ABR: variants seen among roughly 807,000 people sequenced by gnomAD.
ABR encodes the protein active breakpoint cluster region-related protein.
Under a neutral mutation model 107.2 loss-of-function variants are expected in ABR, and 35 were observed. The observed-to-expected ratio is 0.33, with a 90% confidence interval of 0.25 to 0.43. The LOEUF is 0.43. Among genes scored for constraint, ABR ranks in the 20% least tolerant of loss-of-function variants. ABR has a pLI of 1.00. For synonymous variants in ABR, 498 were observed against 462.0 expected, an observed-to-expected ratio of 1.08 and a Z score of -1.00; for missense variants, 815 against 1,115.2, an observed-to-expected ratio of 0.73 and a Z score of 3.83.
rs1051886066 is a variant in ABR, at chr17:1,150,564, A to AG, written c.62-25198dup. 3.9e-5 allele frequency among the ~76,000 whole-genome samples: 6 copies of AG among 152,266 alleles called. No homozygotes were observed. The highest frequency in any genetic ancestry group is 3.9e-4 in the Admixed American group (6 of 15,292). On this transcript the variant is annotated intron_variant, in intron 1 of 22. Transcript: ENST00000302538. This position sits in a 1 kb window ranked among gnomAD's most constrained non-coding sequence, Gnocchi z 4.8. The stretch of plus-strand genomic sequence containing the variant: ...AGGAGGACGGGCCCCGGGCATGGCA[A>AG]GCGCACTGCCCCCTCTCACTCCTCC...
intron 2 of ABR, among the ~76,000 whole-genome samples, chr17:1,104,287 T>C (rs975097210): frequency 3.3e-5 from 5 of 152,150 alleles, no homozygotes; most frequent in Admixed American, 6.5e-5. Flanking sequence ...GTCAGGTCAC[T>C]CTGGTAGGAA....
At chr17:1,111,887 C>T (rs1027383529) in intron 2 of ABR, among the ~76,000 whole-genome samples, 5 of 152,238 alleles carry the variant, frequency 3.3e-5, no homozygotes, top group African/African-American at 1.2e-4. Flanking sequence ...CACTTGGAAG[C>T]CCAGCCACGG....
At chr17:1,137,134 C>G (rs1044944078) in intron 1 of ABR, among the ~76,000 whole-genome samples, 2 of 152,050 alleles carry the variant, frequency 1.3e-5, no homozygotes, top group Non-Finnish European at 2.9e-5. Context: ...ACCTCTGCCT[C>G]CCAGGTTCAA....
At chr17:1,188,203 G>T (rs374497273), upstream of ABR, among the ~76,000 whole-genome samples, 9 of 152,040 alleles carry the variant, frequency 5.9e-5, no homozygotes, top group South Asian at 1.9e-3. Context: ...GCGAGACCCT[G>T]TCTCAAAAAA....
chr17:1,021,713 A>G (rs562776063), intron 16 of ABR, among the ~76,000 whole-genome samples: 2 of 151,766 alleles, frequency 1.3e-5, no homozygotes, highest in South Asian at 2.1e-4. Context: ...CTGAGGCAGG[A>G]GAATCGCTTG....
At chr17:1,039,273 C>A (rs1026496849) in intron 16 of ABR, among the ~76,000 whole-genome samples, 2 of 151,924 alleles carry the variant, frequency 1.3e-5, no homozygotes, top group Non-Finnish European at 2.9e-5. Context: ...TGGAGGGGAG[C>A]GGGGGGAGCC....
At chr17:1,018,073 T>G (rs149214299) in intron 16 of ABR, among the ~76,000 whole-genome samples, 5,544 of 150,486 alleles carry the variant, frequency 0.037, 145 homozygotes, top group Non-Finnish European at 0.054. Context: ...GACGGAGTCT[T>G]GCTCTGTCGC....
At chr17:1,149,480 G>A (rs1196628234) in intron 1 of ABR, among the ~76,000 whole-genome samples, 2 of 149,442 alleles carry the variant, frequency 1.3e-5, no homozygotes, top group Non-Finnish European at 1.5e-5. Context: ...GCTGGAGTGC[G>A]GTGGTGTGAT....
In ABR at chr17:1,149,746, C is replaced by A. The variant is rs2040718742; in HGVS notation, c.62-24379G>T. ...GCTCATTTCTGTTTTGCCGCCAACT[C>A]CCTGGCACAAGACGAGCTCAGCTCG... On this transcript the variant is annotated intron_variant, in intron 1 of 22. Coordinates refer to ENST00000302538, the MANE Select transcript of ABR (RefSeq NM_021962.5). Among the ~76,000 whole-genome samples the A allele has an allele frequency of 2.6e-5, 4 of 152,160 alleles. No homozygotes were observed. In the South Asian group the frequency reaches 8.3e-4, roughly 32 times the overall value.
chr17:1,044,899 T>C (rs2031321168), intron 16 of ABR, among the ~76,000 whole-genome samples: 1 of 152,182 alleles, frequency 6.6e-6, no homozygotes, highest in East Asian at 1.9e-4. Flanking sequence ...AGCATAGCAA[T>C]TGCGCTGGCC....
intron 16 of ABR, among the ~76,000 whole-genome samples, chr17:1,046,211 G>A (rs931397346): frequency 4.6e-5 from 7 of 151,582 alleles, no homozygotes; most frequent in Non-Finnish European, 1.0e-4. Context: ...TCGCCATGTT[G>A]GCCAGGCGAG....
chr17:1,019,843 C>T (rs1429010129), intron 16 of ABR, among the ~76,000 whole-genome samples: 1 of 152,214 alleles, frequency 6.6e-6, no homozygotes, highest in African/African-American at 2.4e-5. Flanking sequence ...TCCATGGGCC[C>T]AGGGGAGCAG....
intron 1 of ABR, among the ~76,000 whole-genome samples, chr17:1,164,888 G>A (rs530318648): frequency 2.0e-5 from 3 of 152,160 alleles, no homozygotes; most frequent in Non-Finnish European, 4.4e-5. Flanking sequence ...GGCTGGTCTC[G>A]AGCTCCTGGC....
At chr17:1,025,000 A>G (rs1265432969) in intron 16 of ABR, among the ~76,000 whole-genome samples, 2 of 149,224 alleles carry the variant, frequency 1.3e-5, no homozygotes, top group African/African-American at 4.9e-5. Context: ...GGGCGCCTGT[A>G]GTCCCAGCTA....
intron 9 of ABR, 40 bp from the exon 10 acceptor site, chr17:1,067,282 C>T: frequency 6.6e-7 from 1 of 1,526,278 alleles, no homozygotes; most frequent in Non-Finnish European, 8.8e-7. Context: ...CAGAGGGAGC[C>T]TGGCTCTTCC....
chr17:1,150,599 C>T lies in ABR; in HGVS notation c.62-25232G>A, dbSNP rs992875239. Reference sequence around the variant, plus strand: ...CCCCTCTCACTCCTCCGGCGGCCGCCGTCCACTCCCAGTCCTAGATCTGAG... The same window carrying T: ...CCCCTCTCACTCCTCCGGCGGCCGCTGTCCACTCCCAGTCCTAGATCTGAG... On this transcript the variant is annotated intron_variant, in intron 1 of 22. Transcript: ENST00000302538. The surrounding 1 kb of genome is among the most constrained non-coding windows in gnomAD (Gnocchi z 4.8). Among the ~76,000 whole-genome samples, 2 of 152,214 alleles carry T rather than the reference C, an allele frequency of 1.3e-5. No homozygotes were observed. Among genetic ancestry groups the T allele is most frequent in the African/African-American group, 2.4e-5 (1 of 41,450 alleles).
intron 16 of ABR, among the ~76,000 whole-genome samples, chr17:1,017,409 C>G (rs2071243091): frequency 6.6e-6 from 1 of 151,316 alleles, no homozygotes; most frequent in South Asian, 2.1e-4. Context: ...ATCAAATGCT[C>G]TTTGTCAACT....
chr17:1,218,523 C>G (rs1016479468), intron 1 of ABR, among the ~76,000 whole-genome samples: 3 of 152,180 alleles, frequency 2.0e-5, no homozygotes, highest in Non-Finnish European at 4.4e-5. Flanking sequence ...AATCCTGGCT[C>G]TGTCCTTTGT....
intron 6 of ABR, among the ~76,000 whole-genome samples, chr17:1,073,938 G>A (rs367661940): frequency 6.6e-5 from 10 of 151,712 alleles, no homozygotes; most frequent in Admixed American, 1.3e-4. Context: ...TGGCTTCATC[G>A]AGAGCCGCCC....
Sources: gnomAD v4.1 joint callset for allele counts (sites outside exome capture counted in the v4.1 genomes callset) on GRCh38, gnomAD v4.1.1 for gene constraint, Gnocchi (gnomAD v3.1) non-coding constraint, MANE v1.5 for transcripts, NCBI Gene and HGNC (gene_info 2026-07-23, HGNC 2026-07-21) for gene names.